Variants in RBKS observed in about 807,000 individuals in gnomAD.
RBKS encodes the protein ribokinase.
In RBKS, 33 loss-of-function variants were observed where a neutral mutation model predicts 33.9. The observed-to-expected ratio is 0.97, with a 90% confidence interval of 0.74 to 1.30. The LOEUF (loss-of-function observed/expected upper bound fraction) is 1.30. Ranked by LOEUF, RBKS falls within the 50% of genes most tolerant of loss-of-function variation. RBKS has a pLI of 0.00. For synonymous variants in RBKS, 125 were observed against 143.0 expected (o/e 0.87, Z 0.90); for missense variants, 361 against 392.6 (o/e 0.92, Z 0.68).
chr2:27,841,561 T>C (rs913754565), intron 5 of RBKS, among the ~76,000 whole-genome samples: 4 of 152,154 alleles, frequency 2.6e-5, no homozygotes, highest in Non-Finnish European at 5.9e-5. Context: ...CCATTAAAAA[T>C]ACACTAAATG....
At position 27,829,475 on chromosome 2, in the gene RBKS, T is replaced by C. The variant is rs563638549; in HGVS notation, c.607-1720A>G. On this transcript the variant is annotated intron_variant, in intron 6 of 7. Coordinates refer to ENST00000302188, the MANE Select transcript of RBKS (RefSeq NM_022128.3). ...CCTGTGCCTCCCAGGTTCACACGAT[T>C]CTCCTGCTTCAGCCTCCTGAGTAGC... is the stretch of plus-strand genomic sequence containing the variant. Among the ~76,000 whole-genome samples, 426 of 151,518 alleles carry C rather than the reference T, an allele frequency of 2.8e-3. 1 individual carries two copies. Among genetic ancestry groups the C allele is most frequent in the African/African-American group, 9.8e-3 (403 of 41,224 alleles).
intron 1 of RBKS, among the ~76,000 whole-genome samples, chr2:27,880,493 G>A (rs1171294205): frequency 1.3e-5 from 2 of 151,980 alleles, no homozygotes; most frequent in African/African-American, 4.8e-5. Flanking sequence ...ATCCCTATTT[G>A]CATGATTCTA....
At chr2:27,887,598 T>C (rs1408928087) in intron 1 of RBKS, among the ~76,000 whole-genome samples, 2 of 152,344 alleles carry the variant, frequency 1.3e-5, no homozygotes, top group Non-Finnish European at 2.9e-5. Flanking sequence ...CATGAAAAGT[T>C]TGTTGAAAAG....
intron 2 of RBKS, among the ~76,000 whole-genome samples, chr2:27,855,954 TA>T: frequency 6.6e-6 from 1 of 152,330 alleles, no homozygotes; most frequent in South Asian, 2.1e-4. Context: ...TTTATCTTGA[TA>T]AATTTCATGG....
intron 7 of RBKS, among the ~76,000 whole-genome samples, chr2:27,799,735 G>A (rs140554886): frequency 6.6e-6 from 1 of 152,362 alleles, no homozygotes; most frequent in East Asian, 1.9e-4. Flanking sequence ...CAGCCTTGCT[G>A]GCTACACTGG....
At chr2:27,863,290 T>C (rs1664025151) in intron 1 of RBKS, among the ~76,000 whole-genome samples, 1 of 152,228 alleles carries the variant, frequency 6.6e-6, no homozygotes, top group Non-Finnish European at 1.5e-5. Context: ...TTCCCTGCCA[T>C]GAGAGGCCAC....
intron 1 of RBKS, among the ~76,000 whole-genome samples, chr2:27,871,879 T>C (rs1664218919): frequency 6.6e-6 from 1 of 152,228 alleles, no homozygotes. Context: ...TAATCTGTAT[T>C]TGCAGCTGCT....
At chr2:27,789,868 ATGTGTGTGTG>A (rs112593610) in intron 7 of RBKS, among the ~76,000 whole-genome samples, 1 of 131,080 alleles carries the variant, frequency 7.6e-6, no homozygotes. Flanking sequence ...TGGCCAGCTG[ATGTGTGTGTG>A]TGTGTGTGTG....
At chr2:27,814,844 G>T (rs1365349645) in intron 7 of RBKS, among the ~76,000 whole-genome samples, 1 of 152,118 alleles carries the variant, frequency 6.6e-6, no homozygotes, top group African/African-American at 2.4e-5. Flanking sequence ...TTCTGTATTT[G>T]TTCTTAAAGG....
At chr2:27,824,147 T>C (rs1289404999) in intron 7 of RBKS, among the ~76,000 whole-genome samples, 2 of 152,230 alleles carry the variant, frequency 1.3e-5, no homozygotes, top group East Asian at 3.8e-4. Flanking sequence ...TGACCTCTTA[T>C]GCCTGGCTTC....
At chr2:27,872,374 C>T (rs1441842682) in intron 1 of RBKS, among the ~76,000 whole-genome samples, 1 of 151,808 alleles carries the variant, frequency 6.6e-6, no homozygotes, top group East Asian at 1.9e-4. Context: ...ATAAAACAAG[C>T]CAACAAAAGA....
intron 7 of RBKS, among the ~76,000 whole-genome samples, chr2:27,823,851 T>G (rs960039079): frequency 3.3e-5 from 5 of 152,224 alleles, no homozygotes; most frequent in African/African-American, 1.2e-4. Flanking sequence ...TATCCATTCA[T>G]AAGTGAATTG....
chr2:27,803,943 T>G (rs1057235182), intron 7 of RBKS, among the ~76,000 whole-genome samples: 1 of 151,996 alleles, frequency 6.6e-6, no homozygotes, highest in Non-Finnish European at 1.5e-5. Context: ...CCCAGCTACT[T>G]GGGAGGCTGA....
In RBKS at chr2:27,884,021, A is replaced by C. The variant is rs182171134; in HGVS notation, c.89+6236T>G. Among the ~76,000 whole-genome samples the C allele has an allele frequency of 3.9e-5, 6 of 152,348 alleles. No individual in the cohort carries two copies. In the East Asian group the frequency reaches 5.8e-4, roughly 15 times the overall value. ...AAGCAACTTTTCAGACCAATTTAAG[A>C]AGCAGAAAGAATAATGAAGGATATT... On this transcript the variant is annotated intron_variant, in intron 1 of 7. Coordinates refer to ENST00000302188, the MANE Select transcript of RBKS (RefSeq NM_022128.3).
chr2:27,824,706 A>C (rs1678279505), intron 7 of RBKS, among the ~76,000 whole-genome samples: 2 of 152,230 alleles, frequency 1.3e-5, no homozygotes, highest in Non-Finnish European at 2.9e-5. Context: ...TTTTGTGGAC[A>C]CATGTAAGGC....
At chr2:27,879,658 T>C (rs1185081094) in intron 1 of RBKS, among the ~76,000 whole-genome samples, 1 of 152,080 alleles carries the variant, frequency 6.6e-6, no homozygotes, top group South Asian at 2.1e-4. Flanking sequence ...AAAGGGGATA[T>C]TACCACTGAC....
intron 6 of RBKS, among the ~76,000 whole-genome samples, chr2:27,828,506 T>TG (rs1176136795): frequency 1.3e-5 from 2 of 152,198 alleles, no homozygotes; most frequent in East Asian, 3.9e-4. Flanking sequence ...TGTTTGTTTT[T>TG]GCCAGAGAAG....
rs1312829206 is a variant in RBKS, at chr2:27,847,041, C to T, written c.349+1G>A. The stretch of plus-strand genomic sequence containing the variant: ...GACACTCCAATATGCAAAACACTTA[C>T]CTTCATTATTGACAATTATAGAAGC... On this transcript the variant is annotated splice_donor_variant, in intron 4 of 7. Transcript: ENST00000302188. LOFTEE classifies it high-confidence loss of function. 8.2e-6 allele frequency: 13 copies of T among 1,593,228 alleles called. No individual in the cohort carries two copies. Among genetic ancestry groups the T allele is most frequent in the Non-Finnish European group, 1.0e-5 (12 of 1,161,706 alleles).
chr2:27,864,189 A>G (rs868332905), intron 1 of RBKS, among the ~76,000 whole-genome samples: 8 of 151,842 alleles, frequency 5.3e-5, no homozygotes, highest in Middle Eastern at 3.4e-3. Context: ...ACCATGCCCA[A>G]CTAATTTTTT....
Sources: gnomAD v4.1 joint callset for allele counts (sites outside exome capture counted in the v4.1 genomes callset) on GRCh38, gnomAD v4.1.1 for gene constraint, MANE v1.5 for transcripts, NCBI Gene and HGNC (gene_info 2026-07-23, HGNC 2026-07-21) for gene names.